Variants in HSPH1 observed in about 807,000 individuals in gnomAD.
The protein encoded by HSPH1 is heat shock protein 105 kDa.
In HSPH1, 40 loss-of-function variants were observed where a neutral mutation model predicts 100.0. The observed-to-expected ratio is 0.40, with a 90% CI of 0.31 to 0.52. The LOEUF (loss-of-function observed/expected upper bound fraction) is 0.52. HSPH1 is among the 20% of genes least tolerant of loss of function. The probability of loss-of-function intolerance (pLI) is 0.54; values close to 1 mark genes in which losing one functional copy is unlikely to be tolerated. For synonymous variants in HSPH1, 403 were observed against 344.0 expected (o/e 1.17, Z -1.90); for missense variants, 876 against 1,015.1 (o/e 0.86, Z 1.86).
At chr13:31,146,281 G>A (rs1956263811) in intron 10 of HSPH1, among the ~76,000 whole-genome samples, 2 of 152,086 alleles carry the variant, frequency 1.3e-5, no homozygotes, top group South Asian at 4.1e-4. Context: ...CTATAACTAT[G>A]ACCTCTTAAA....
rs201756318 is a variant in HSPH1 at position 31,141,277 on chromosome 13, A to G, written c.1717-18T>C. 1.6e-3 allele frequency: 2,490 copies of G among 1,569,602 alleles called. 5 individuals carry two copies. The highest frequency in any genetic ancestry group is 1.8e-3 in the Non-Finnish European group (2,118 of 1,162,870). Reference sequence around the variant, plus strand: ...TCATTTGCCTTGGGAAGAGGAATAAAAAAAGGAAAAAATTTTAAACAACCC... The same window carrying G: ...TCATTTGCCTTGGGAAGAGGAATAAGAAAAGGAAAAAATTTTAAACAACCC... On this transcript the variant is annotated intron_variant, in intron 12 of 17. Coordinates refer to ENST00000320027, the MANE Select transcript of HSPH1 (RefSeq NM_006644.4).
intron 1 of HSPH1, among the ~76,000 whole-genome samples, chr13:31,160,307 C>G (rs910858057): frequency 6.6e-6 from 1 of 152,204 alleles, no homozygotes; most frequent in Non-Finnish European, 1.5e-5. Context: ...GGTAGACGTA[C>G]AGGTTGCTCA....
At chr13:31,142,240 T>G (rs1232291673) in intron 12 of HSPH1, among the ~76,000 whole-genome samples, 1 of 152,106 alleles carries the variant, frequency 6.6e-6, no homozygotes, top group East Asian at 1.9e-4. Context: ...CTTAGGCACT[T>G]TATCGAAGAA....
chr13:31,156,668 G>C (rs1435967068), intron 2 of HSPH1, among the ~76,000 whole-genome samples: 1 of 152,062 alleles, frequency 6.6e-6, no homozygotes, highest in African/African-American at 2.4e-5. Flanking sequence ...ACCTTTCCTA[G>C]CAATAGCATG....
At chr13:31,161,386 CGGT>C in intron 1 of HSPH1, 87 bp downstream of exon 1, 1 of 1,537,004 alleles carries the variant, frequency 6.5e-7, no homozygotes, top group Non-Finnish European at 8.8e-7. Flanking sequence ...CCGTTTGCCG[CGGT>C]GATCCGTACA....
intron 14 of HSPH1, among the ~76,000 whole-genome samples, chr13:31,139,907 C>T (rs994886344): frequency 6.6e-6 from 1 of 151,956 alleles, no homozygotes; most frequent in African/African-American, 2.4e-5. Context: ...AGATTTTTCT[C>T]GTATTTATCC....
At position 31,149,829 on chromosome 13, in the gene HSPH1, G is replaced by T. The variant is rs187968769; in HGVS notation, c.1137+125C>A. 6 of 712,280 alleles carry T rather than the reference G, an allele frequency of 8.4e-6. No individual in the cohort carries two copies. In the East Asian group the frequency reaches 1.6e-4, roughly 19 times the overall value. The allele number at this position is 712,280 out of a possible 1,614,324, so 44.1% of individuals were successfully genotyped here. A position where few individuals can be genotyped will look rare whatever the true frequency, so the allele number is the denominator to read the frequency against. On this transcript the variant is annotated intron_variant, in intron 8 of 17. Coordinates refer to ENST00000320027, the MANE Select transcript of HSPH1 (RefSeq NM_006644.4). ...TAGCCTTATCTCCCTACAGCTTTAC[G>T]GGTTTGTTTAAAATGTCCTTCTGCT... is the stretch of plus-strand genomic sequence containing the variant.
At chr13:31,152,481 T>TA (rs925904373) in intron 5 of HSPH1, 33 of 222,612 alleles carry the variant, frequency 1.5e-4, no homozygotes, top group South Asian at 4.9e-4. Context: ...GTTCAGTAGA[T>TA]AAAAAAAAAT....
rs1254969975 is a variant in HSPH1 at position 31,143,884 on chromosome 13, G to A, written c.1624C>T (p.Pro542Ser). The A allele has an allele frequency of 1.9e-6, 3 of 1,609,902 alleles. No homozygotes were observed. The highest frequency in any genetic ancestry group is 1.7e-5 in the Admixed American group (1 of 59,508). ...TGTTGAGCATCAGTTTGTACCTGGG[G>A]CTGTGTTCCAGCTTCACTGTTGTCT... ...QQDNSEAGTQ[P>S]QVQTDAQQTS... Residue 542 changes from proline (P) to serine (S), a missense_variant, in exon 12 of 18, where the codon CCC becomes TCC. By Grantham distance (74) the Pro-to-Ser change is moderately conservative. Coordinates refer to ENST00000320027, the MANE Select transcript of HSPH1 (RefSeq NM_006644.4).
chr13:31,151,477 TTCC>T, intron 6 of HSPH1, 129 bp downstream of exon 6: 2 of 844,102 alleles, frequency 2.4e-6, no homozygotes, highest in Non-Finnish European at 3.6e-6. Context: ...TAGCAACCGT[TTCC>T]TGTTAACATC....
In HSPH1 at chr13:31,151,713, C is replaced by A. The variant is rs1202613873; in HGVS notation, c.559G>T (p.Asp187Tyr). ...VALNYGIYKQDLPSLDEKPRI... is the reference protein window; with the variant it reads ...VALNYGIYKQYLPSLDEKPRI... ...GGTTTCTCATCCAGGCTTGGGAGAT[C>A]CTGCTTATAAATTCCGTAATTCAAA... is the stretch of plus-strand genomic sequence containing the variant. Residue 187 changes from aspartate to tyrosine, a missense_variant, in exon 6 of 18, where the codon GAT (aspartate) becomes TAT (tyrosine). Coordinates refer to ENST00000320027, the MANE Select transcript of HSPH1 (RefSeq NM_006644.4). 24 of 1,610,102 alleles carry A rather than the reference C, an allele frequency of 1.5e-5. No homozygotes were observed. Among genetic ancestry groups the A allele is most frequent in the Non-Finnish European group, 2.0e-5 (23 of 1,178,490 alleles).
rs1212568524 is a variant in HSPH1, at chr13:31,154,855, CTTTATTTTA to C, written c.307-109_307-101del. 13 of 996,332 alleles carry C rather than the reference CTTTATTTTA, an allele frequency of 1.3e-5. No individual in the cohort carries two copies. The African/African-American group carries it at 2.0e-4, about 15-fold the overall frequency. 61.7% of individuals were successfully genotyped at this position (996,332 alleles called of 1,614,324 possible). ...TAGCACACATTCCCTTCCACAAAAT[CTTTATTTTA>C]TTGTTGTAGTTGTTTTGGGAAGAAG... On this transcript the variant is annotated intron_variant, in intron 3 of 17. Transcript: ENST00000320027.
chr13:31,137,763 AAC>A (rs1212079753), intron 17 of HSPH1, among the ~76,000 whole-genome samples: 2 of 152,154 alleles, frequency 1.3e-5, no homozygotes, highest in African/African-American at 2.4e-5. Flanking sequence ...CAATCCTCAC[AAC>A]AGTGTTAAAA....
Position 31,141,880 on chromosome 13 carries a change from A to G in HSPH1, c.1717-621T>C, listed in dbSNP as rs537816940. 3.0e-4 allele frequency among the ~76,000 whole-genome samples: 45 copies of G among 152,032 alleles called. No individual in the cohort carries two copies. The South Asian group carries it at 9.3e-3, about 32-fold the overall frequency. On this transcript the variant is annotated intron_variant, in intron 12 of 17. Coordinates refer to ENST00000320027, the MANE Select transcript of HSPH1 (RefSeq NM_006644.4). ...TATCATTTCTCATAAGCAACTTTGC[A>G]AGGTAAAAAGAGATGAGTCTTAAAG... is the stretch of plus-strand genomic sequence containing the variant.
chr13:31,145,505 C>T (rs967531468), intron 11 of HSPH1, 58 bp downstream of exon 11: 19 of 1,344,982 alleles, frequency 1.4e-5, no homozygotes, highest in Non-Finnish European at 2.0e-5. Context: ...CCCAATTCTC[C>T]TATAGCTTAG....
In HSPH1 at chr13:31,136,022, A is replaced by G. The variant is rs1955874370; in HGVS notation, c.*1296T>C. The G allele has an allele frequency of 6.6e-6, 1 of 152,174 alleles. No homozygotes were observed. Among genetic ancestry groups the G allele is most frequent in the Non-Finnish European group, 1.5e-5 (1 of 68,038 alleles). 9.4% of individuals were successfully genotyped at this position (152,174 alleles called of 1,614,324 possible). On this transcript the variant is annotated 3_prime_UTR_variant, in exon 18 of 18. Coordinates refer to ENST00000320027, the MANE Select transcript of HSPH1 (RefSeq NM_006644.4). The stretch of plus-strand genomic sequence containing the variant: ...AACCCCAGCTCTACCAAAAAAAAAA[A>G]AAGAATAAACTGTTGCACCCTAGTG...
At chr13:31,159,035 T>C (rs1013320781) in intron 1 of HSPH1, among the ~76,000 whole-genome samples, 172 bp from the exon 2 acceptor site, 2 of 152,240 alleles carry the variant, frequency 1.3e-5, no homozygotes, top group South Asian at 4.1e-4. Context: ...TTCCACTTAA[T>C]TGCTGCTCTG....
In HSPH1 at chr13:31,148,370, A is replaced by C; in HGVS notation, c.1244+4T>G. 6.7e-7 allele frequency: 1 copy of C among 1,485,604 alleles called. No individual in the cohort carries two copies. The highest frequency in any genetic ancestry group is 2.3e-5 in the East Asian group (1 of 43,882). 92.0% of individuals were successfully genotyped at this position (1,485,604 alleles called of 1,614,324 possible). On this transcript the variant is annotated splice_donor_region_variant and intron_variant, in intron 9 of 17. Coordinates refer to ENST00000320027, the MANE Select transcript of HSPH1 (RefSeq NM_006644.4). ...GTATCTGAATGTTATTTTCTGCTAC[A>C]TACCCTTCAGTATCTTCTGAATCAT...
intron 1 of HSPH1, 89 bp downstream of exon 1, chr13:31,161,387 G>A: frequency 1.3e-6 from 2 of 1,538,394 alleles, no homozygotes; most frequent in East Asian, 4.8e-5. Flanking sequence ...CGTTTGCCGC[G>A]GTGATCCGTA....
Sources: allele counts gnomAD v4.1 joint callset (sites outside exome capture counted in the v4.1 genomes callset), GRCh38; gene constraint gnomAD v4.1.1; transcripts MANE v1.5; gene names NCBI Gene and HGNC (gene_info 2026-07-23, HGNC 2026-07-21).